The following FAM53B variants were observed in gnomAD, a reference collection of about 807,000 sequenced individuals.
FAM53B encodes family with sequence similarity 53 member B.
In FAM53B, 12 loss-of-function variants were observed where a neutral mutation model predicts 32.7. The observed-to-expected ratio is 0.37, with a 90% CI of 0.24 to 0.59. FAM53B has a LOEUF of 0.59. Among genes scored for constraint, FAM53B ranks in the 20% least tolerant of loss-of-function variants. FAM53B has a pLI of 0.72. For synonymous variants in FAM53B, 234 were observed against 228.7 expected (o/e 1.02, Z -0.21); for missense variants, 477 against 577.7 (o/e 0.83, Z 1.79).
intron 4 of FAM53B, among the ~76,000 whole-genome samples, chr10:124,665,284 G>A (rs924267832): frequency 6.6e-6 from 1 of 152,220 alleles, no homozygotes; most frequent in Non-Finnish European, 1.5e-5. Flanking sequence ...CACCTGCCCA[G>A]GGCCATCCTT....
At chr10:124,706,586 T>A (rs756229212) in intron 2 of FAM53B, 50 bp downstream of exon 2, 2 of 1,611,710 alleles carry the variant, frequency 1.2e-6, no homozygotes, top group South Asian at 2.2e-5. Flanking sequence ...TGTCTGTACA[T>A]CAGGCCTCAG....
chr10:124,729,613 A>C (rs912946728), intron 1 of FAM53B, among the ~76,000 whole-genome samples: 5 of 152,176 alleles, frequency 3.3e-5, no homozygotes, highest in African/African-American at 1.2e-4. Context: ...GGCATTGTTT[A>C]AGGTGTGAAG....
intron 4 of FAM53B, among the ~76,000 whole-genome samples, chr10:124,654,228 C>A (rs887373358): frequency 6.6e-6 from 1 of 152,222 alleles, no homozygotes; most frequent in Non-Finnish European, 1.5e-5. Context: ...ATGCGAAGTG[C>A]GATTGTCATC....
At chr10:124,728,007 A>G (rs1256856350) in intron 1 of FAM53B, among the ~76,000 whole-genome samples, 2 of 152,228 alleles carry the variant, frequency 1.3e-5, no homozygotes, top group African/African-American at 4.8e-5. Flanking sequence ...CCAGACCACC[A>G]GAGTGCAAAC....
rs535551447 is a variant in FAM53B, at chr10:124,641,614, GA to G, written c.907-18011del. Among the ~76,000 whole-genome samples, 28 of 152,368 alleles carry G rather than the reference GA, an allele frequency of 1.8e-4. No individual in the cohort carries two copies. The East Asian group carries it at 3.5e-3, about 19-fold the overall frequency. The stretch of plus-strand genomic sequence containing the variant: ...AGCCGAGAGTCACGGGGAACTCAGA[GA>G]TAAGATTCTAAAATCCTCGAGGGAG... On this transcript the variant is annotated intron_variant, in intron 4 of 4. Coordinates refer to ENST00000337318, the MANE Select transcript of FAM53B (RefSeq NM_014661.4).
At chr10:124,685,921 C>A (rs1322024231) in intron 3 of FAM53B, among the ~76,000 whole-genome samples, 1 of 152,178 alleles carries the variant, frequency 6.6e-6, no homozygotes, top group Non-Finnish European at 1.5e-5. Context: ...CAGCTGTCAG[C>A]CACTGTTTCC....
chr10:124,705,204 G>C (rs761299908), intron 2 of FAM53B, among the ~76,000 whole-genome samples: 9 of 152,220 alleles, frequency 5.9e-5, no homozygotes, highest in Non-Finnish European at 1.3e-4. Flanking sequence ...AAGGGCTGAA[G>C]AGACCTGACT....
Position 124,641,878 on chromosome 10 carries a change from G to A in FAM53B, c.907-18274C>T, listed in dbSNP as rs575006825. Among the ~76,000 whole-genome samples, 8 of 152,332 alleles carry A rather than the reference G, an allele frequency of 5.3e-5. No homozygotes were observed. In the South Asian group the frequency reaches 6.2e-4, roughly 12 times the overall value. On this transcript the variant is annotated intron_variant, in intron 4 of 4. Coordinates refer to ENST00000337318, the MANE Select transcript of FAM53B (RefSeq NM_014661.4). ...CTGCGAAAGGAACTTGGCACACCGC[G>A]ACTCGCTGGTTCCTCCAGAACCCCC...
chr10:124,687,185 A>T (rs1472508603), intron 3 of FAM53B, among the ~76,000 whole-genome samples: 1 of 152,202 alleles, frequency 6.6e-6, no homozygotes, highest in Admixed American at 6.5e-5. Flanking sequence ...ACAGGAATAG[A>T]AGCTAATTTT....
intron 1 of FAM53B, among the ~76,000 whole-genome samples, chr10:124,731,237 T>A (rs1950140481): frequency 1.3e-5 from 2 of 152,240 alleles, no homozygotes; most frequent in African/African-American, 4.8e-5. Flanking sequence ...ACTTGTTGGG[T>A]GAATGAAAAC....
chr10:124,722,256 T>C (rs1168935580), intron 1 of FAM53B, among the ~76,000 whole-genome samples: 1 of 152,160 alleles, frequency 6.6e-6, no homozygotes, highest in Admixed American at 6.5e-5. Flanking sequence ...GAGCCGATCA[T>C]CATACATTAT....
At chr10:124,696,742 A>T (rs1390325667) in intron 2 of FAM53B, among the ~76,000 whole-genome samples, 2 of 152,090 alleles carry the variant, frequency 1.3e-5, no homozygotes, top group African/African-American at 4.8e-5. Context: ...TGCTCTGCAG[A>T]CTGTTTTGTG....
At chr10:124,739,076 C>A (rs1250901276) in intron 1 of FAM53B, among the ~76,000 whole-genome samples, 1 of 151,194 alleles carries the variant, frequency 6.6e-6, no homozygotes, top group Admixed American at 6.6e-5. Flanking sequence ...AAAAAACACA[C>A]AGCCATAGCA....
intron 4 of FAM53B, among the ~76,000 whole-genome samples, chr10:124,642,036 C>CATACACGT (rs1564865067): frequency 6.6e-6 from 1 of 152,168 alleles, no homozygotes; most frequent in Non-Finnish European, 1.5e-5. Flanking sequence ...AAATGGCGTG[C>CATACACGT]GTGCATACAC....
intron 2 of FAM53B, among the ~76,000 whole-genome samples, chr10:124,697,540 G>C (rs1198870709): frequency 6.6e-6 from 1 of 152,106 alleles, no homozygotes; most frequent in African/African-American, 2.4e-5. Flanking sequence ...CATCCCACGG[G>C]GTTACTAAGG....
intron 1 of FAM53B, among the ~76,000 whole-genome samples, chr10:124,728,695 G>A (rs1589766247): frequency 1.3e-5 from 2 of 152,198 alleles, no homozygotes; most frequent in South Asian, 4.1e-4. Flanking sequence ...AATAGCCCAG[G>A]ACAAACGAAG....
intron 4 of FAM53B, among the ~76,000 whole-genome samples, chr10:124,658,921 C>G (rs1424097885): frequency 6.6e-6 from 1 of 152,238 alleles, no homozygotes; most frequent in African/African-American, 2.4e-5. Context: ...GCTAGCCACA[C>G]CACCCAAGTT....
chr10:124,640,276 C>T (rs934061370), intron 4 of FAM53B, among the ~76,000 whole-genome samples: 3 of 152,252 alleles, frequency 2.0e-5, no homozygotes, highest in African/African-American at 7.2e-5. Flanking sequence ...CTCCACACCT[C>T]TCCGGCCAGC....
intron 1 of FAM53B, among the ~76,000 whole-genome samples, chr10:124,709,677 G>A (rs530470584): frequency 3.9e-5 from 6 of 152,238 alleles, no homozygotes; most frequent in Non-Finnish European, 8.8e-5. Flanking sequence ...ATACATTACG[G>A]TGTTGTTACA....
Sources: allele counts gnomAD v4.1 joint callset (sites outside exome capture counted in the v4.1 genomes callset), GRCh38; gene constraint gnomAD v4.1.1; transcripts MANE v1.5; gene names NCBI Gene and HGNC (gene_info 2026-07-23, HGNC 2026-07-21).